The following GLRA1 variants were observed in gnomAD, a reference collection of about 807,000 sequenced individuals.
GLRA1 encodes the protein glycine receptor subunit alpha-1.
GLRA1 carries 37 observed loss-of-function variants against 48.3 expected under a neutral mutation model. The observed-to-expected ratio is 0.77, with a 90% CI of 0.59 to 1.01. GLRA1 has a LOEUF of 1.01. Among genes scored for constraint, GLRA1 ranks in the 50% least tolerant of loss-of-function variants. GLRA1 has a pLI of 0.00. For missense variants in GLRA1, 427 were observed against 571.0 expected (o/e 0.75, Z 2.57); for synonymous variants, 196 against 210.7 (o/e 0.93, Z 0.60).
At chr5:151,865,946 C>T (rs777532418) in intron 3 of GLRA1, among the ~76,000 whole-genome samples, 2 of 152,074 alleles carry the variant, frequency 1.3e-5, no homozygotes, top group Non-Finnish European at 2.9e-5. Flanking sequence ...TGTAATAGGC[C>T]GAAAGCTAAA....
intron 1 of GLRA1, among the ~76,000 whole-genome samples, chr5:151,910,122 C>T (rs1023093710): frequency 1.3e-5 from 2 of 152,102 alleles, no homozygotes; most frequent in Non-Finnish European, 2.9e-5. Context: ...CCTAAATACA[C>T]GAAATAGTTT....
intron 1 of GLRA1, among the ~76,000 whole-genome samples, 189 bp from the exon 2 acceptor site, chr5:151,892,627 T>A (rs1169732941): frequency 1.3e-5 from 2 of 152,214 alleles, no homozygotes; most frequent in African/African-American, 4.8e-5. Context: ...TCAGCCGGCA[T>A]GGGATCCTGG....
chr5:151,893,360 C>CTTTCTTTCTTTCTTTTTT (rs1754147012), intron 1 of GLRA1, among the ~76,000 whole-genome samples: 1 of 97,040 alleles, frequency 1.0e-5, no homozygotes. Flanking sequence ...TTCTTTCTTT[C>CTTTCTTTCTTTCTTTTTT]ATTTTAGTTC....
At chr5:151,906,689 T>C (rs931263986) in intron 1 of GLRA1, among the ~76,000 whole-genome samples, 1 of 152,192 alleles carries the variant, frequency 6.6e-6, no homozygotes, top group Admixed American at 6.5e-5. Context: ...TATTTTTTCT[T>C]CTCCAAAACA....
At chr5:151,897,616 A>G (rs906866300) in intron 1 of GLRA1, among the ~76,000 whole-genome samples, 2 of 152,218 alleles carry the variant, frequency 1.3e-5, no homozygotes, top group Non-Finnish European at 2.9e-5. Context: ...CTGACTATAC[A>G]AAGTATTAGA....
rs757843415 is a variant in GLRA1 at position 151,859,862 on chromosome 5, C to T, written c.399G>A (p.Gly133=). 2 of 1,614,074 alleles carry T rather than the reference C, an allele frequency of 1.2e-6. No individual in the cohort carries two copies. Among genetic ancestry groups the T allele is most frequent in the Non-Finnish European group, 1.7e-6 (2 of 1,180,004 alleles). Residue 133 remains glycine (G), a synonymous_variant, in exon 4 of 9, where the codon GGG becomes GGA. Coordinates refer to ENST00000274576, the MANE Select transcript of GLRA1 (RefSeq NM_000171.4). ...KPDLFFANEK[G]AHFHEITTDN... is the part of the protein sequence containing the mutation. ...CTGTGGTGATCTCATGGAAGTGGGC[C>T]CCCTTCTCGTTGGCAAAGAACAGGT...
intron 7 of GLRA1, among the ~76,000 whole-genome samples, chr5:151,831,739 C>G (rs991423243): frequency 2.0e-5 from 3 of 152,224 alleles, no homozygotes; most frequent in African/African-American, 7.2e-5. Context: ...CAGACTTAAA[C>G]GTTCCTGCCT....
chr5:151,845,292 A>G (rs906944990), intron 7 of GLRA1, among the ~76,000 whole-genome samples: 80 of 152,360 alleles, frequency 5.3e-4, no homozygotes, highest in African/African-American at 1.7e-3. Flanking sequence ...CACATAGAAC[A>G]AGAGAAAATA....
chr5:151,897,988 C>G (rs552668155), intron 1 of GLRA1, among the ~76,000 whole-genome samples: 1 of 152,048 alleles, frequency 6.6e-6, no homozygotes, highest in Non-Finnish European at 1.5e-5. Context: ...ACTTAAAGGA[C>G]CTCAGATGTT....
rs1465993368 is a variant in GLRA1, at chr5:151,859,834, T to C, written c.427A>G (p.Asn143Asp). Residue 143 changes from asparagine to aspartate, a missense_variant, in exon 4 of 9, where the codon AAC becomes GAC. Physicochemically the swap from Asn to Asp is conservative, Grantham distance 23 (BLOSUM62 1). This residue lies in a region of GLRA1 where 271 missense variants were observed against 434.9 expected (regional missense o/e 0.62). Coordinates refer to ENST00000274576, the MANE Select transcript of GLRA1 (RefSeq NM_000171.4). The part of the protein sequence containing the change: ...GAHFHEITTD[N>D]KLLRISRNGN... The stretch of plus-strand genomic sequence containing the variant: ...TTCCGGGAGATCCTTAGCAATTTGT[T>C]GTCTGTGGTGATCTCATGGAAGTGG... 1.2e-6 allele frequency: 2 copies of C among 1,613,930 alleles called. No homozygotes were observed. Among genetic ancestry groups the C allele is most frequent in the Non-Finnish European group, 1.7e-6 (2 of 1,179,986 alleles).
intron 3 of GLRA1, among the ~76,000 whole-genome samples, chr5:151,870,017 A>G (rs1485724763): frequency 6.7e-6 from 1 of 149,422 alleles, no homozygotes; most frequent in African/African-American, 2.5e-5. Context: ...CATCTATTTA[A>G]AATATTTTAA....
At chr5:151,909,975 A>C (rs1490185126) in intron 1 of GLRA1, among the ~76,000 whole-genome samples, 1 of 152,050 alleles carries the variant, frequency 6.6e-6, no homozygotes, top group African/African-American at 2.4e-5. Flanking sequence ...CCCTGATGAG[A>C]GTATGTACCA....
intron 3 of GLRA1, among the ~76,000 whole-genome samples, chr5:151,884,226 C>T (rs1421599427): frequency 1.3e-5 from 2 of 152,032 alleles, no homozygotes; most frequent in African/African-American, 4.8e-5. Flanking sequence ...GCCAGGAGTT[C>T]GAGACCAGCC....
At chr5:151,871,213 C>T (rs768618342) in intron 3 of GLRA1, among the ~76,000 whole-genome samples, 1 of 149,344 alleles carries the variant, frequency 6.7e-6, no homozygotes, top group Non-Finnish European at 1.5e-5. Context: ...GGCACCATAT[C>T]TAATTGGATA....
chr5:151,895,623 G>A (rs1020474368), intron 1 of GLRA1, among the ~76,000 whole-genome samples: 12 of 124,074 alleles, frequency 9.7e-5, no homozygotes, highest in African/African-American at 3.6e-4. Context: ...GTGTGTGTGT[G>A]TCTGTGTGTG....
chr5:151,915,894 C>T (rs1754727070), intron 1 of GLRA1, among the ~76,000 whole-genome samples: 1 of 152,102 alleles, frequency 6.6e-6, no homozygotes, highest in African/African-American at 2.4e-5. Context: ...AAATAAATGC[C>T]TATCTGGCCA....
chr5:151,908,672 G>A (rs1245985536), intron 1 of GLRA1, among the ~76,000 whole-genome samples: 1 of 150,448 alleles, frequency 6.6e-6, no homozygotes, highest in African/African-American at 2.5e-5. Flanking sequence ...TTTTTAAATT[G>A]TTCATTTTAT....
chr5:151,924,464 G>C, intron 1 of GLRA1, 30 bp downstream of exon 1: 1 of 1,374,826 alleles, frequency 7.3e-7, no homozygotes, highest in East Asian at 2.3e-5. Context: ...ATTTCCATCA[G>C]AGCGATGTGG....
intron 1 of GLRA1, among the ~76,000 whole-genome samples, chr5:151,913,716 T>C (rs1754672971): frequency 6.6e-6 from 1 of 152,196 alleles, no homozygotes; most frequent in Admixed American, 6.5e-5. Context: ...AGCTAAAGGC[T>C]CTCTGAAGCC....
Sources: allele counts gnomAD v4.1 joint callset (sites outside exome capture counted in the v4.1 genomes callset), GRCh38; gene constraint gnomAD v4.1.1; regional missense constraint gnomAD v4.1.1; transcripts MANE v1.5; gene names NCBI Gene and HGNC (gene_info 2026-07-23, HGNC 2026-07-21).